The following ADGRL2 variants were observed in gnomAD, a reference collection of about 807,000 sequenced individuals.
ADGRL2 encodes adhesion G protein-coupled receptor L2.
A neutral mutation model predicts 157.4 loss-of-function variants in ADGRL2; 44 were observed. That is an observed-to-expected ratio of 0.28 (90% CI 0.22 to 0.36). The LOEUF is 0.36. ADGRL2 is among the 10% of genes least tolerant of loss of function. The pLI is 1.00. For missense variants in ADGRL2, 1,510 were observed against 1,768.9 expected (o/e 0.85, Z 2.63); for synonymous variants, 585 against 624.7 (o/e 0.94, Z 0.95).
At chr1:81,463,737 CTACT>C in intron 2 of ADGRL2, among the ~76,000 whole-genome samples, 1 of 152,330 alleles carries the variant, frequency 6.6e-6, no homozygotes, top group East Asian at 1.9e-4. Flanking sequence ...TGGCCCTCAA[CTACT>C]TACTTCACAA....
rs1664717449 is a variant in ADGRL2, at chr1:81,992,357, C to G, written c.*1212C>G. On this transcript the variant is annotated 3_prime_UTR_variant, in exon 24 of 24. Transcript: ENST00000686636. ...TGTGTAAACCTGTTAATAATGAGCC[C>G]ATCACTAATATCCAGTGTAAAGTTT... 6.6e-6 allele frequency: 1 copy of G among 152,150 alleles called. No homozygotes were observed. The highest frequency in any genetic ancestry group is 2.1e-4 in the South Asian group (1 of 4,804). 9.4% of individuals were successfully genotyped at this position (152,150 alleles called of 1,614,324 possible).
At chr1:81,442,091 C>T (rs554031024) in intron 1 of ADGRL2, among the ~76,000 whole-genome samples, 1 of 152,290 alleles carries the variant, frequency 6.6e-6, no homozygotes, top group African/African-American at 2.4e-5. Flanking sequence ...TCCTCAACTT[C>T]CCAAAGTGCT....
intron 2 of ADGRL2, among the ~76,000 whole-genome samples, chr1:81,504,504 A>T (rs1444252020): frequency 6.6e-6 from 1 of 151,912 alleles, no homozygotes; most frequent in Admixed American, 6.6e-5. Flanking sequence ...TTTTTATTTT[A>T]AAATTTTTAT....
chr1:81,813,426 C>T (rs1025508616), intron 1 of ADGRL2, among the ~76,000 whole-genome samples: 2 of 151,580 alleles, frequency 1.3e-5, no homozygotes, highest in African/African-American at 4.8e-5. Context: ...CACATTGTTA[C>T]TGTGACAAAG....
Position 81,788,445 on chromosome 1 carries a change from C to T in ADGRL2, c.-101+26593C>T, listed in dbSNP as rs544498338. On this transcript the variant is annotated intron_variant, in intron 2 of 20. Transcript: ENST00000359929. ...ATGTGACAAGTCTGCTCCCCCTTTGCCTTCACCATAATTGTAAGCTTCCTG... is the reference window on the plus strand; with the variant it reads ...ATGTGACAAGTCTGCTCCCCCTTTGTCTTCACCATAATTGTAAGCTTCCTG... 2.0e-5 allele frequency among the ~76,000 whole-genome samples: 3 copies of T among 152,298 alleles called. No homozygotes were observed. In the East Asian group the frequency reaches 5.8e-4, roughly 29 times the overall value.
At chr1:81,666,471 A>G (rs1207142989) in intron 3 of ADGRL2, among the ~76,000 whole-genome samples, 1 of 151,966 alleles carries the variant, frequency 6.6e-6, no homozygotes, top group Non-Finnish European at 1.5e-5. Flanking sequence ...ACATCATTAA[A>G]CTCTCAGTGT....
rs142401786 is a variant in ADGRL2, at chr1:81,944,308, G to A, written c.1210+539G>A. Among the ~76,000 whole-genome samples the A allele has an allele frequency of 2.2e-4, 33 of 152,152 alleles. No individual in the cohort carries two copies. In the East Asian group the frequency reaches 6.4e-3, roughly 29 times the overall value. The stretch of plus-strand genomic sequence containing the variant: ...TTTATTTTCTGATAAATTAGTGACA[G>A]TTTGAAGTCAATATTTCTGTGACTT... On this transcript the variant is annotated intron_variant, in intron 6 of 23. Transcript: ENST00000686636.
chr1:81,972,270 T>C (rs1040159665), intron 17 of ADGRL2, among the ~76,000 whole-genome samples: 3 of 152,130 alleles, frequency 2.0e-5, no homozygotes, highest in African/African-American at 7.2e-5. Context: ...TTCCACATAG[T>C]AATTTAATGA....
At chr1:81,386,406 T>A (rs1273824862) in intron 1 of ADGRL2, among the ~76,000 whole-genome samples, 1 of 152,156 alleles carries the variant, frequency 6.6e-6, no homozygotes, top group Non-Finnish European at 1.5e-5. Context: ...GTTTTTTGTA[T>A]TATGCACCAA....
At chr1:81,521,617 G>T (rs918773446) in intron 2 of ADGRL2, among the ~76,000 whole-genome samples, 1 of 152,108 alleles carries the variant, frequency 6.6e-6, no homozygotes, top group Non-Finnish European at 1.5e-5. Context: ...TGTAAGTGGT[G>T]GATTTTATGT....
chr1:81,595,530 A>G lies in ADGRL2; in HGVS notation c.-143+14550A>G, dbSNP rs182931063. Among the ~76,000 whole-genome samples the G allele has an allele frequency of 6.6e-4, 101 of 152,336 alleles. 1 individual carries two copies. The highest frequency in any genetic ancestry group is 2.2e-3 in the African/African-American group (91 of 41,578). On this transcript the variant is annotated intron_variant, in intron 3 of 24. Transcript: ENST00000370721. ...AATTACCAAAGATCGTTATTTCAAC[A>G]TGGCAGTCAACCACATGCTAAAACT...
At chr1:81,962,733 C>G (rs1655847690) in intron 11 of ADGRL2, among the ~76,000 whole-genome samples, 1 of 152,104 alleles carries the variant, frequency 6.6e-6, no homozygotes, top group South Asian at 2.1e-4. Context: ...ATATGAATAA[C>G]CAGTTCCTTG....
At chr1:81,743,141 G>A (rs2085126239) in intron 1 of ADGRL2, among the ~76,000 whole-genome samples, 1 of 151,974 alleles carries the variant, frequency 6.6e-6, no homozygotes, top group Admixed American at 6.6e-5. Context: ...AAAGGAAACA[G>A]AAAGTTTGAA....
intron 3 of ADGRL2, among the ~76,000 whole-genome samples, chr1:81,908,215 G>A (rs750632096): frequency 9.9e-5 from 15 of 152,158 alleles, no homozygotes; most frequent in Non-Finnish European, 1.9e-4. Context: ...TGCTGTTCCT[G>A]TAATGATAAA....
intron 3 of ADGRL2, among the ~76,000 whole-genome samples, chr1:81,659,521 T>C (rs191750682): frequency 6.6e-6 from 1 of 152,322 alleles, no homozygotes; most frequent in African/African-American, 2.4e-5. Flanking sequence ...CCTGTTCTTA[T>C]CTGAAAACCC....
intron 2 of ADGRL2, among the ~76,000 whole-genome samples, chr1:81,478,175 C>T (rs1254011704): frequency 2.0e-5 from 3 of 152,058 alleles, no homozygotes; most frequent in Non-Finnish European, 2.9e-5. Context: ...TAAATAGGAG[C>T]AAGGGGCAGG....
At chr1:81,577,066 G>A (rs967746905) in intron 2 of ADGRL2, among the ~76,000 whole-genome samples, 2 of 152,104 alleles carry the variant, frequency 1.3e-5, no homozygotes, top group Non-Finnish European at 2.9e-5. Flanking sequence ...CAAGCTTTCT[G>A]ATTCTATTAC....
chr1:81,434,618 A>G (rs2077377625), intron 1 of ADGRL2, among the ~76,000 whole-genome samples: 1 of 152,206 alleles, frequency 6.6e-6, no homozygotes, highest in Non-Finnish European at 1.5e-5. Flanking sequence ...GGTTGTAGAA[A>G]TTGGGAGTGA....
chr1:81,966,178 G>C lies in ADGRL2; in HGVS notation c.2138G>C (p.Arg713Thr). ...GCAAATACCGTCAAACAGAACAGCA[G>C]GAATGGTAAGGTGGAAGTCTTTTAA... ...LSANTVKQNSRNGLAKLVFII... is the reference protein window; with the variant it reads ...LSANTVKQNSTNGLAKLVFII... Residue 713 changes from arginine (R) to threonine (T), a missense_variant, in exon 12 of 24, where the codon AGG becomes ACG. By Grantham distance (71) the Arg-to-Thr change is moderately conservative. This residue lies in a region of ADGRL2 where 497 missense variants were observed against 627.2 expected (regional missense o/e 0.79). Coordinates refer to ENST00000686636, the MANE Select transcript of ADGRL2 (RefSeq NM_001366006.2). 1 of 1,614,004 alleles carries C rather than the reference G, an allele frequency of 6.2e-7. No homozygotes were observed. The highest frequency in any genetic ancestry group is 8.5e-7 in the Non-Finnish European group (1 of 1,179,988).
Sources: gnomAD v4.1 joint callset for allele counts (sites outside exome capture counted in the v4.1 genomes callset) on GRCh38, gnomAD v4.1.1 for gene constraint, gnomAD v4.1.1 regional missense constraint, MANE v1.5 for transcripts, NCBI Gene and HGNC (gene_info 2026-07-23, HGNC 2026-07-21) for gene names.